Variants in PSG5 observed in about 807,000 individuals in gnomAD.
PSG5 encodes pregnancy specific beta-1-glycoprotein 5, also known as pregnancy-specific beta-1-glycoprotein 5.
In PSG5, 53 loss-of-function variants were observed where a neutral mutation model predicts 37.7. That is an observed-to-expected ratio of 1.41 (90% CI 1.13 to 1.77). The LOEUF is 1.77. Ranked by LOEUF, PSG5 falls within the 40% of genes most tolerant of loss-of-function variation. PSG5 has a pLI of 0.00. For synonymous variants in PSG5, 221 were observed against 155.4 expected, an observed-to-expected ratio of 1.42 and a Z score of -3.14; for missense variants, 547 against 405.2, an observed-to-expected ratio of 1.35 and a Z score of -3.00.
intron 2 of PSG5, chr19:43,178,746 A>G: frequency 6.3e-7 from 1 of 1,591,674 alleles, no homozygotes; most frequent in East Asian, 2.2e-5. Context: ...CTGGGGCAGA[A>G]AGTCATGGCC....
At chr19:43,178,734 G>C (rs1308635667) in intron 2 of PSG5, 2 of 1,567,256 alleles carry the variant, frequency 1.3e-6, no homozygotes, top group Non-Finnish European at 1.7e-6. Flanking sequence ...ACTCTGTTTT[G>C]CCTGGGGCAG....
chr19:43,183,277 A>G (rs1969169097), intron 2 of PSG5: 1 of 361,474 alleles, frequency 2.8e-6, no homozygotes, highest in Admixed American at 3.3e-5. Context: ...GGCAAGAGGT[A>G]GTGGGGGGAT....
chr19:43,183,695 A>G (rs10425206), intron 2 of PSG5, among the ~76,000 whole-genome samples: 1 of 150,720 alleles, frequency 6.6e-6, no homozygotes, highest in Admixed American at 6.6e-5. Flanking sequence ...GAGGTTTAGA[A>G]GCCTAAGAAG....
chr19:43,176,433 C>T (rs532516742), intron 2 of PSG5, among the ~76,000 whole-genome samples: 9 of 151,624 alleles, frequency 5.9e-5, no homozygotes, highest in African/African-American at 1.7e-4. Context: ...CCCTGGTACC[C>T]CTCCCAGTCC....
chr19:43,174,548 C>A (rs191849878), intron 4 of PSG5: 5 of 883,004 alleles, frequency 5.7e-6, no homozygotes, highest in Non-Finnish European at 6.8e-6. Context: ...CAGGACGCAA[C>A]GCAGGAGTCT....
At chr19:43,176,874 C>A (rs2355438) in intron 2 of PSG5, among the ~76,000 whole-genome samples, 3 of 149,676 alleles carry the variant, frequency 2.0e-5, no homozygotes, top group Non-Finnish European at 4.5e-5. Flanking sequence ...GAACCATGTT[C>A]CCTGTCCTGG....
chr19:43,171,785 T>C (rs1002390340), intron 4 of PSG5, among the ~76,000 whole-genome samples: 4 of 151,168 alleles, frequency 2.6e-5, no homozygotes, highest in African/African-American at 9.8e-5. Flanking sequence ...ATGGGTAACC[T>C]GGGGAGATGC....
At chr19:43,172,436 A>G (rs1211807384) in intron 4 of PSG5, among the ~76,000 whole-genome samples, 1 of 151,654 alleles carries the variant, frequency 6.6e-6, no homozygotes, top group Non-Finnish European at 1.5e-5. Context: ...ATTGGAAGGA[A>G]GGAGTAAAAT....
At chr19:43,182,735 C>A (rs561259226) in intron 2 of PSG5, among the ~76,000 whole-genome samples, 4 of 109,314 alleles carry the variant, frequency 3.7e-5, no homozygotes, top group African/African-American at 1.5e-4. Context: ...TGCAGGAGGC[C>A]AGAAGATCTT....
At chr19:43,169,165 T>G (rs1401433738) in intron 5 of PSG5, among the ~76,000 whole-genome samples, 1 of 151,660 alleles carries the variant, frequency 6.6e-6, no homozygotes, top group African/African-American at 2.4e-5. Context: ...TTTTTCTATT[T>G]TGGTATCATG....
At chr19:43,182,931 C>G (rs951019236) in intron 2 of PSG5, among the ~76,000 whole-genome samples, 3 of 149,250 alleles carry the variant, frequency 2.0e-5, no homozygotes, top group Non-Finnish European at 4.5e-5. Context: ...GATTTCTGCA[C>G]CTTTCCTATT....
At chr19:43,184,753 A>G in intron 2 of PSG5, 29 bp downstream of exon 2, 1 of 1,611,254 alleles carries the variant, frequency 6.2e-7, no homozygotes, top group South Asian at 1.1e-5. Context: ...CTGTCCCCCA[A>G]CACCCAGGGA....
chr19:43,174,395 A>C lies in PSG5; in HGVS notation c.964+820T>G, dbSNP rs369571305. The C allele has an allele frequency of 5.6e-4, 467 of 830,058 alleles. 2 individuals carry two copies. The South Asian group carries it at 0.011, about 20-fold the overall frequency. The allele number at this position is 830,058 out of a possible 1,614,324, so 51.4% of individuals were successfully genotyped here. On this transcript the variant is annotated intron_variant, in intron 4 of 5. Transcript: ENST00000342951. ...AGTCTTACCCTCTCTATAATTACAC[A>C]CTTTTTGGCACTGCCCCTTTCCTGC...
rs550524070 is a variant in PSG5 at position 43,186,414 on chromosome 19, C to A, written c.-9G>T. On this transcript the variant is annotated 5_prime_UTR_variant, in exon 1 of 6. Coordinates refer to ENST00000342951, the MANE Select transcript of PSG5 (RefSeq NM_002781.4). ...GCTGAGAGGGGCCCCATGGTCTCTGCGCCTGCGTGTTCTCCTCTGTGGAGC... is the reference window on the plus strand; with the variant it reads ...GCTGAGAGGGGCCCCATGGTCTCTGAGCCTGCGTGTTCTCCTCTGTGGAGC... 33 of 1,611,868 alleles carry A rather than the reference C, an allele frequency of 2.0e-5. No homozygotes were observed. Among genetic ancestry groups the A allele is most frequent in the South Asian group, 5.5e-5 (5 of 91,018 alleles).
chr19:43,185,289 G>T, intron 1 of PSG5, 142 bp from the exon 2 acceptor site: 1 of 1,227,016 alleles, frequency 8.1e-7, no homozygotes, highest in Non-Finnish European at 1.1e-6. Context: ...CACAAAAGGT[G>T]CATGTTAGTT....
chr19:43,177,792 C>G (rs1457216297), intron 2 of PSG5, among the ~76,000 whole-genome samples: 1 of 151,538 alleles, frequency 6.6e-6, no homozygotes, highest in African/African-American at 2.4e-5. Flanking sequence ...TGCACTGTAT[C>G]TGCAACTTGC....
At position 43,167,883 on chromosome 19, in the gene PSG5, A is replaced by C. The variant is rs1968820653; in HGVS notation, c.*361T>G. On this transcript the variant is annotated 3_prime_UTR_variant, in exon 6 of 6. Coordinates refer to ENST00000342951, the MANE Select transcript of PSG5 (RefSeq NM_002781.4). ...AAGTATACTTTACCAATTGCTCAAGAAAAAAAGTTCATAAATCTGGAGAAT... is the reference window on the plus strand; with the variant it reads ...AAGTATACTTTACCAATTGCTCAAGCAAAAAAGTTCATAAATCTGGAGAAT... 1 of 357,044 alleles carries C rather than the reference A, an allele frequency of 2.8e-6. No individual in the cohort carries two copies. Among genetic ancestry groups the C allele is most frequent in the African/African-American group, 2.1e-5 (1 of 46,998 alleles). 22.1% of individuals were successfully genotyped at this position (357,044 alleles called of 1,614,324 possible).
At chr19:43,174,459 G>T in intron 4 of PSG5, 1 of 779,780 alleles carries the variant, frequency 1.3e-6, no homozygotes, top group Non-Finnish European at 1.6e-6. Flanking sequence ...TATTTCTCCA[G>T]CTCTGCATCA....
At chr19:43,177,599 G>A (rs1969038351) in intron 2 of PSG5, among the ~76,000 whole-genome samples, 1 of 151,176 alleles carries the variant, frequency 6.6e-6, no homozygotes, top group African/African-American at 2.4e-5. Flanking sequence ...ATTTTTGAAG[G>A]CTTTTGGATG....
Sources: gnomAD v4.1 joint callset for allele counts (sites outside exome capture counted in the v4.1 genomes callset) on GRCh38, gnomAD v4.1.1 for gene constraint, MANE v1.5 for transcripts, NCBI Gene and HGNC (gene_info 2026-07-23, HGNC 2026-07-21) for gene names.